The following KCNIP4 variants were observed in gnomAD, a reference collection of about 807,000 sequenced individuals.
The protein encoded by KCNIP4 is potassium voltage-gated channel interacting protein 4, also known as Kv channel-interacting protein 4.
A neutral mutation model predicts 34.0 loss-of-function variants in KCNIP4; 12 were observed. The observed-to-expected ratio is 0.35, with a 90% CI of 0.23 to 0.57. The LOEUF (loss-of-function observed/expected upper bound fraction) is 0.57, where lower values mean the gene tolerates loss of function less well. KCNIP4 is among the 20% of genes least tolerant of loss of function. The pLI, the probability that KCNIP4 is intolerant of heterozygous loss-of-function variation, is 0.83. For synonymous variants in KCNIP4, 124 were observed against 102.2 expected, an observed-to-expected ratio of 1.21 and a Z score of -1.29; for missense variants, 238 against 311.7, an observed-to-expected ratio of 0.76 and a Z score of 1.78.
chr4:21,825,743 T>G (rs1457559087), intron 1 of KCNIP4, among the ~76,000 whole-genome samples: 1 of 152,174 alleles, frequency 6.6e-6, no homozygotes, highest in Non-Finnish European at 1.5e-5. Flanking sequence ...GGTTACCTAC[T>G]AGGTACATTG....
chr4:21,675,252 T>C (rs562279778), intron 1 of KCNIP4, among the ~76,000 whole-genome samples: 11 of 152,228 alleles, frequency 7.2e-5, no homozygotes, highest in Middle Eastern at 3.4e-3. Flanking sequence ...TCAAATCAAT[T>C]GAACTCATGG....
At chr4:21,314,676 T>C (rs1268139045) in intron 1 of KCNIP4, among the ~76,000 whole-genome samples, 1 of 152,140 alleles carries the variant, frequency 6.6e-6, no homozygotes, top group Non-Finnish European at 1.5e-5. Flanking sequence ...AGTCCTGGAG[T>C]GTAAGCTCTC....
At chr4:21,087,314 C>G (rs1453070115) in intron 1 of KCNIP4, among the ~76,000 whole-genome samples, 1 of 151,994 alleles carries the variant, frequency 6.6e-6, no homozygotes, top group African/African-American at 2.4e-5. Context: ...GTAGCTGGAA[C>G]TACAGCCATG....
At chr4:21,840,339 G>A (rs1229000851) in intron 1 of KCNIP4, among the ~76,000 whole-genome samples, 5 of 151,970 alleles carry the variant, frequency 3.3e-5, no homozygotes, top group African/African-American at 4.8e-5. Flanking sequence ...CACCGTAGAC[G>A]ACGTTGCACA....
chr4:20,751,037 C>G lies in KCNIP4; in HGVS notation c.359-1305G>C, dbSNP rs572094952. On this transcript the variant is annotated intron_variant, in intron 4 of 8. Coordinates refer to ENST00000382152, the MANE Select transcript of KCNIP4 (RefSeq NM_025221.6). ...TCCTGGCTCTCAGGGCTCACGGCCT[C>G]CTTACAGGTTGTTTTTCCCGAATGC... Among the ~76,000 whole-genome samples the G allele has an allele frequency of 6.2e-4, 95 of 152,234 alleles. 2 individuals carry two copies. Among genetic ancestry groups the G allele is most frequent in the Middle Eastern group, 6.8e-3 (2 of 294 alleles).
At chr4:21,909,154 T>A (rs2108979212) in intron 1 of KCNIP4, among the ~76,000 whole-genome samples, 1 of 152,214 alleles carries the variant, frequency 6.6e-6, no homozygotes, top group Admixed American at 6.5e-5. Flanking sequence ...AAAAAGAGAA[T>A]AGGACACTAT....
intron 3 of KCNIP4, among the ~76,000 whole-genome samples, chr4:20,838,626 CTCACTT>C (rs1719347772): frequency 6.6e-6 from 1 of 152,146 alleles, no homozygotes; most frequent in South Asian, 2.1e-4. Flanking sequence ...CTATGACTAC[CTCACTT>C]TCCCTCAGGA....
At chr4:21,937,379 T>C (rs2109015430) in intron 1 of KCNIP4, among the ~76,000 whole-genome samples, 1 of 152,196 alleles carries the variant, frequency 6.6e-6, no homozygotes, top group African/African-American at 2.4e-5. Flanking sequence ...CCATTCCCAC[T>C]GCCTTTACCC....
intron 1 of KCNIP4, among the ~76,000 whole-genome samples, chr4:21,114,877 C>T (rs1406966054): frequency 1.3e-5 from 2 of 152,132 alleles, no homozygotes; most frequent in African/African-American, 2.4e-5. Flanking sequence ...AACTTGGCAG[C>T]AGTATAAAGT....
intron 1 of KCNIP4, among the ~76,000 whole-genome samples, chr4:20,913,167 G>A (rs1303789811): frequency 6.6e-6 from 1 of 151,862 alleles, no homozygotes; most frequent in Non-Finnish European, 1.5e-5. Flanking sequence ...ACAAAAGGTG[G>A]TTTTTTTCAG....
At chr4:20,921,178 G>A (rs552057835) in intron 1 of KCNIP4, among the ~76,000 whole-genome samples, 2 of 152,210 alleles carry the variant, frequency 1.3e-5, no homozygotes, top group South Asian at 2.1e-4. Flanking sequence ...GACTCAAGAG[G>A]TGTTCCCGAG....
At chr4:21,632,023 C>T (rs1248093395) in intron 1 of KCNIP4, among the ~76,000 whole-genome samples, 2 of 152,184 alleles carry the variant, frequency 1.3e-5, no homozygotes, top group Non-Finnish European at 2.9e-5. Context: ...TGTGCTATCA[C>T]AAGGAAACTC....
chr4:21,410,383 G>C (rs1276772438), intron 1 of KCNIP4, among the ~76,000 whole-genome samples: 1 of 152,184 alleles, frequency 6.6e-6, no homozygotes, highest in Non-Finnish European at 1.5e-5. Flanking sequence ...GGCAGAATTA[G>C]TATTCTATGA....
At chr4:21,190,279 G>A (rs900765404) in intron 1 of KCNIP4, among the ~76,000 whole-genome samples, 5 of 151,768 alleles carry the variant, frequency 3.3e-5, no homozygotes, top group Non-Finnish European at 5.9e-5. Flanking sequence ...GAAACATGAA[G>A]CCTAATGTTT....
intron 1 of KCNIP4, among the ~76,000 whole-genome samples, chr4:21,580,674 T>C (rs1741136149): frequency 6.6e-6 from 1 of 152,106 alleles, no homozygotes; most frequent in Non-Finnish European, 1.5e-5. Context: ...ACATTTGCCA[T>C]GCATACCATG....
chr4:21,008,507 G>A (rs1294067852), intron 1 of KCNIP4, among the ~76,000 whole-genome samples: 1 of 148,192 alleles, frequency 6.7e-6, no homozygotes, highest in East Asian at 2.0e-4. Context: ...GCAGCTATGG[G>A]CATTTTCTTT....
Position 21,228,663 on chromosome 4 carries a change from T to C in KCNIP4, c.62-345954A>G, listed in dbSNP as rs550090334. On this transcript the variant is annotated intron_variant, in intron 1 of 8. Coordinates refer to ENST00000382152, the MANE Select transcript of KCNIP4 (RefSeq NM_025221.6). ...TTTAGTTCTCTTCTTCCTTCATCTT[T>C]GCTTCATTCAAGGCCAACAACTACC... Among the ~76,000 whole-genome samples, 6 of 152,324 alleles carry C rather than the reference T, an allele frequency of 3.9e-5. No individual in the cohort carries two copies. The East Asian group carries it at 5.8e-4, about 15-fold the overall frequency.
rs373715526 is a variant in KCNIP4 at position 21,697,483 on chromosome 4, C to CAAT, written c.61+251085_61+251087dup. On this transcript the variant is annotated intron_variant, in intron 1 of 8. Transcript: ENST00000382152. Reference sequence around the variant, plus strand: ...TCTGAGGAGAGCCAGAAGTCTTTGCCAATAATAATAATAATAATAATAAAA... The same window carrying CAAT: ...TCTGAGGAGAGCCAGAAGTCTTTGCCAATAATAATAATAATAATAATAATAAAA... 9,616 of 1,513,420 alleles carry CAAT rather than the reference C, an allele frequency of 6.4e-3. 71 individuals carry two copies. The highest frequency in any genetic ancestry group is 0.042 in the African/African-American group (2,874 of 68,042). 93.7% of individuals were successfully genotyped at this position (1,513,420 alleles called of 1,614,324 possible).
At chr4:21,435,888 C>T (rs1726902727) in intron 1 of KCNIP4, among the ~76,000 whole-genome samples, 1 of 152,068 alleles carries the variant, frequency 6.6e-6, no homozygotes, top group Admixed American at 6.6e-5. Flanking sequence ...CTCTAATCTG[C>T]TTTTATTTAC....
Sources: allele counts gnomAD v4.1 joint callset (sites outside exome capture counted in the v4.1 genomes callset), GRCh38; gene constraint gnomAD v4.1.1; transcripts MANE v1.5; gene names NCBI Gene and HGNC (gene_info 2026-07-23, HGNC 2026-07-21).